ABCB11: variants seen among roughly 807,000 people sequenced by gnomAD.
The protein encoded by ABCB11 is bile salt export pump.
ABCB11 carries 95 observed loss-of-function variants against 148.0 expected under a neutral mutation model. That is an observed-to-expected ratio of 0.64 (90% CI 0.54 to 0.76). The LOEUF (loss-of-function observed/expected upper bound fraction) is 0.76. ABCB11 is among the 30% of genes least tolerant of loss of function. ABCB11 has a pLI of 0.00. For synonymous variants in ABCB11, 591 were observed against 555.4 expected (o/e 1.06, Z -0.90); for missense variants, 1,523 against 1,617.8 (o/e 0.94, Z 1.01).
At chr2:169,012,846 T>C (rs1558926812) in intron 5 of ABCB11, among the ~76,000 whole-genome samples, 3 of 151,212 alleles carry the variant, frequency 2.0e-5, no homozygotes, top group Non-Finnish European at 4.4e-5. Context: ...CCATTACAGA[T>C]GGAAGGGTTA....
chr2:169,030,126 C>T (rs1695824222), intron 1 of ABCB11, among the ~76,000 whole-genome samples: 1 of 152,198 alleles, frequency 6.6e-6, no homozygotes, highest in African/African-American at 2.4e-5. Context: ...ATTGTAGCAT[C>T]TTTTAAAACC....
chr2:168,932,086 C>A (rs1238612780), intron 24 of ABCB11, among the ~76,000 whole-genome samples: 2 of 152,062 alleles, frequency 1.3e-5, no homozygotes, highest in Non-Finnish European at 2.9e-5. Context: ...ATACACGTGT[C>A]ATGGTGGTTT....
At chr2:168,964,726 C>A (rs1393541022) in intron 17 of ABCB11, among the ~76,000 whole-genome samples, 2 of 151,810 alleles carry the variant, frequency 1.3e-5, no homozygotes. Context: ...TTCTCTCATA[C>A]CTGATGTGTT....
chr2:168,972,125 G>T, intron 13 of ABCB11, 75 bp from the exon 14 acceptor site: 1 of 1,377,456 alleles, frequency 7.3e-7, no homozygotes, highest in Non-Finnish European at 1.0e-6. Flanking sequence ...TGTCATACTT[G>T]ACCAATGGGC....
At chr2:169,003,323 C>CGTGTGTGT (rs139250976) in intron 5 of ABCB11, among the ~76,000 whole-genome samples, 211 of 141,644 alleles carry the variant, frequency 1.5e-3, no homozygotes, top group African/African-American at 4.7e-3. Context: ...TTCCATGGTG[C>CGTGTGTGT]GTGTGTGTGT....
intron 19 of ABCB11, among the ~76,000 whole-genome samples, chr2:168,953,392 C>T (rs892026533): frequency 1.4e-5 from 2 of 147,816 alleles, no homozygotes; most frequent in African/African-American, 4.9e-5. Context: ...ATGTTGAGTT[C>T]ATATATATTT....
intron 17 of ABCB11, among the ~76,000 whole-genome samples, chr2:168,967,972 G>T (rs929058531): frequency 6.6e-6 from 1 of 151,910 alleles, no homozygotes; most frequent in Non-Finnish European, 1.5e-5. Context: ...GTTATGGAAT[G>T]ATTTGACTTC....
chr2:168,931,820 T>C (rs1434834576), intron 24 of ABCB11, among the ~76,000 whole-genome samples: 2 of 152,202 alleles, frequency 1.3e-5, no homozygotes, highest in Admixed American at 1.3e-4. Context: ...GAATAATTTT[T>C]GATGCTAATT....
intron 3 of ABCB11, among the ~76,000 whole-genome samples, chr2:169,015,666 AC>A (rs1189546453): frequency 6.6e-6 from 1 of 151,398 alleles, no homozygotes. Context: ...TAAAATTTCA[AC>A]CCCACCCCCC....
Position 168,973,728 on chromosome 2 carries a change from G to C in ABCB11, c.1421C>G (p.Pro474Arg), listed in dbSNP as rs1431047015. 6.2e-7 allele frequency: 1 copy of C among 1,611,764 alleles called. No homozygotes were observed. Among genetic ancestry groups the C allele is most frequent in the East Asian group, 2.2e-5 (1 of 44,810 alleles). ...GAAGACACCCACCATTCCTTCACAG[G>C]GGTCATAGAATCGCTGAATGAGTTG... ...ALQLIQRFYDPCEGMVTVDGH... is the reference protein window; with the variant it reads ...ALQLIQRFYDRCEGMVTVDGH... Residue 474 changes from proline (P) to arginine (R), a missense_variant, in exon 13 of 28, where the codon CCC (proline) becomes CGC (arginine). By Grantham distance (103) the Pro-to-Arg change is moderately radical. Coordinates refer to ENST00000650372, the MANE Select transcript of ABCB11 (RefSeq NM_003742.4).
chr2:169,023,295 T>C (rs2106069412), intron 1 of ABCB11, among the ~76,000 whole-genome samples: 1 of 152,312 alleles, frequency 6.6e-6, no homozygotes, highest in Admixed American at 6.5e-5. Context: ...GCTTTATACA[T>C]GCTATGCCAT....
In ABCB11 at chr2:169,020,965, C is replaced by CTT. The variant is rs200889320; in HGVS notation, c.-27-2815_-27-2814dup. On this transcript the variant is annotated intron_variant, in intron 1 of 27. Coordinates refer to ENST00000650372, the MANE Select transcript of ABCB11 (RefSeq NM_003742.4). ...GAATTTTTTAAAGTCAAGACATACA[C>CTT]TTTTTTTTTTTTTCTGAGACCAAGT... Among the ~76,000 whole-genome samples the CTT allele has an allele frequency of 6.2e-5, 9 of 145,814 alleles. No individual in the cohort carries two copies. The South Asian group carries it at 8.6e-4, about 14-fold the overall frequency.
intron 13 of ABCB11, among the ~76,000 whole-genome samples, chr2:168,973,220 G>A (rs901979075): frequency 6.6e-6 from 1 of 151,980 alleles, no homozygotes; most frequent in Non-Finnish European, 1.5e-5. Context: ...GCTAAGCGAC[G>A]GGGATACGTT....
At chr2:168,949,220 A>G (rs1033668305) in intron 19 of ABCB11, among the ~76,000 whole-genome samples, 1 of 151,546 alleles carries the variant, frequency 6.6e-6, no homozygotes, top group Non-Finnish European at 1.5e-5. Context: ...AACTTTTTAA[A>G]ATTTTTGTAT....
In ABCB11 at chr2:169,010,546, A is replaced by T. The variant is rs536159296; in HGVS notation, c.389+2726T>A. 2.0e-5 allele frequency among the ~76,000 whole-genome samples: 3 copies of T among 152,320 alleles called. No homozygotes were observed. The East Asian group carries it at 5.8e-4, about 29-fold the overall frequency. On this transcript the variant is annotated intron_variant, in intron 5 of 27. Transcript: ENST00000650372. Reference sequence around the variant, plus strand: ...CTAAAATTATTGGGTTGTCTTGTATATTCTAAGGCTAATACATCTATTGTA... The same window carrying T: ...CTAAAATTATTGGGTTGTCTTGTATTTTCTAAGGCTAATACATCTATTGTA...
intron 10 of ABCB11, among the ~76,000 whole-genome samples, chr2:168,984,851 C>G (rs1182682356): frequency 1.3e-5 from 2 of 152,058 alleles, no homozygotes; most frequent in Admixed American, 6.6e-5. Context: ...ATTGGAAAAG[C>G]CCTTCTAGAC....
At chr2:168,961,507 T>C (rs1037931532) in intron 18 of ABCB11, among the ~76,000 whole-genome samples, 11 of 151,762 alleles carry the variant, frequency 7.2e-5, no homozygotes, top group Non-Finnish European at 4.4e-5. Context: ...GATGCAGTTA[T>C]GGGTGTCTAA....
chr2:168,949,571 C>G (rs149047750), intron 19 of ABCB11, among the ~76,000 whole-genome samples: 2 of 151,598 alleles, frequency 1.3e-5, no homozygotes, highest in African/African-American at 2.4e-5. Flanking sequence ...CATGGTATAT[C>G]GTATTTTCTT....
chr2:168,962,596 G>T (rs1390732424), intron 18 of ABCB11, among the ~76,000 whole-genome samples: 1 of 151,300 alleles, frequency 6.6e-6, no homozygotes, highest in Non-Finnish European at 1.5e-5. Flanking sequence ...TACTTTTATT[G>T]TCAAATATCT....
Sources: gnomAD v4.1 joint callset for allele counts (sites outside exome capture counted in the v4.1 genomes callset) on GRCh38, gnomAD v4.1.1 for gene constraint, MANE v1.5 for transcripts, NCBI Gene and HGNC (gene_info 2026-07-23, HGNC 2026-07-21) for gene names.